The following CCT4 variants were observed in gnomAD, a reference collection of about 807,000 sequenced individuals.
CCT4 encodes the protein T-complex protein 1 subunit delta.
CCT4 carries 17 observed loss-of-function variants against 62.5 expected under a neutral mutation model. The ratio of observed to expected loss-of-function variants is 0.27; its 90% CI spans 0.19 to 0.41. CCT4 has a LOEUF of 0.41. Ranked by LOEUF, CCT4 falls within the 10% of genes least tolerant of loss-of-function variation. The pLI is 1.00. For missense variants in CCT4, 592 were observed against 659.2 expected (o/e 0.90, Z 1.12); for synonymous variants, 250 against 229.9 (o/e 1.09, Z -0.79).
chr2:61,886,264 C>T (rs745894819), intron 1 of CCT4, among the ~76,000 whole-genome samples: 86 of 152,158 alleles, frequency 5.7e-4, no homozygotes, highest in Non-Finnish European at 9.3e-4. Context: ...AAAAATGAGC[C>T]GGGTGTGGCG....
In CCT4 at chr2:61,873,077, T is replaced by G; in HGVS notation, c.1050A>C (p.Gln350His). 6.2e-7 allele frequency: 1 copy of G among 1,613,028 alleles called. No homozygotes were observed. Among genetic ancestry groups the G allele is most frequent in the Non-Finnish European group, 8.5e-7 (1 of 1,178,948 alleles). Residue 350 changes from glutamine to histidine, a missense_variant, in exon 10 of 14, where the codon CAA becomes CAC. By Grantham distance (24) the Gln-to-His change is conservative (BLOSUM62 0). This residue lies in a region of CCT4 where 522 missense variants were observed against 571.2 expected (regional missense o/e 0.91). Coordinates refer to ENST00000394440, the MANE Select transcript of CCT4 (RefSeq NM_006430.4). The stretch of plus-strand genomic sequence containing the variant: ...CAGAACCCAGCATGTCAGCAGTAAA[T>G]TGGTCAATATGAGCAACTGGCTTGG... ...IGTKPVAHIDQFTADMLGSAE... is the reference protein window; with the variant it reads ...IGTKPVAHIDHFTADMLGSAE...
intron 5 of CCT4, 23 bp from the exon 6 acceptor site, chr2:61,877,537 A>C (rs746279287): frequency 3.9e-6 from 6 of 1,530,894 alleles, no homozygotes; most frequent in Non-Finnish European, 5.3e-6. Flanking sequence ...AAAAAAAAAA[A>C]AAGTTACCTT....
At chr2:61,884,914 C>T in intron 2 of CCT4, 106 bp downstream of exon 2, 1 of 967,502 alleles carries the variant, frequency 1.0e-6, no homozygotes. Context: ...GTGTGAGCCA[C>T]CACGCCCAGC....
rs573311652 is a variant in CCT4, at chr2:61,885,325, T to C, written c.128-253A>G. Among the ~76,000 whole-genome samples the C allele has an allele frequency of 6.6e-5, 10 of 152,236 alleles. 1 individual carries two copies. The South Asian group carries it at 2.1e-3, about 32-fold the overall frequency. Reference sequence around the variant, plus strand: ...AAATCACCATGTCCACAGAAGAAAATTCATTGTCTAAAAATAATCTATTGG... The same window carrying C: ...AAATCACCATGTCCACAGAAGAAAACTCATTGTCTAAAAATAATCTATTGG... On this transcript the variant is annotated intron_variant, in intron 1 of 13. Transcript: ENST00000394440.
Position 61,872,489 on chromosome 2 carries a change from G to A in CCT4, c.1225C>T (p.Leu409=). ...TTCACTAAACAACGAATAACACATAGGGCATCATGAATGGAGCGCTCAGCT... is the reference window on the plus strand; with the variant it reads ...TTCACTAAACAACGAATAACACATAAGGCATCATGAATGGAGCGCTCAGCT... ...EEAERSIHDA[L]CVIRCLVKKR... Residue 409 remains leucine, a synonymous_variant, in exon 11 of 14, where the codon CTA becomes TTA. Transcript: ENST00000394440. The A allele has an allele frequency of 6.2e-7, 1 of 1,613,700 alleles. No homozygotes were observed. The highest frequency in any genetic ancestry group is 8.5e-7 in the Non-Finnish European group (1 of 1,179,690).
chr2:61,874,878 C>T (rs58567975), intron 8 of CCT4, among the ~76,000 whole-genome samples: 60,188 of 152,038 alleles, frequency 0.4, 12,114 homozygotes, highest in Middle Eastern at 0.46. Flanking sequence ...GGCGTGGTGG[C>T]TCATGCCTGT....
chr2:61,874,905 G>A (rs12474073), intron 8 of CCT4, among the ~76,000 whole-genome samples: 1 of 151,942 alleles, frequency 6.6e-6, no homozygotes, highest in Non-Finnish European at 1.5e-5. Flanking sequence ...AGCACTTTGG[G>A]AGGCCAAGGC....
chr2:61,879,015 T>A lies in CCT4; in HGVS notation c.380-4A>T. On this transcript the variant is annotated splice_region_variant and splice_polypyrimidine_tract_variant and intron_variant, in intron 4 of 13. Coordinates refer to ENST00000394440, the MANE Select transcript of CCT4 (RefSeq NM_006430.4). ...GAAATGATGGTTGGATGAATCCCTG[T>A]AATTTGTGAAAGTCTAGTTATTTAA... 1 of 1,589,080 alleles carries A rather than the reference T, an allele frequency of 6.3e-7. No individual in the cohort carries two copies. The highest frequency in any genetic ancestry group is 8.5e-7 in the Non-Finnish European group (1 of 1,170,582).
At chr2:61,873,716 C>T (rs1668934834) in intron 8 of CCT4, among the ~76,000 whole-genome samples, 1 of 152,166 alleles carries the variant, frequency 6.6e-6, no homozygotes, top group African/African-American at 2.4e-5. Context: ...CACGCTCCCG[C>T]CACCACACCT....
intron 5 of CCT4, among the ~76,000 whole-genome samples, chr2:61,878,070 T>C (rs1052893341): frequency 6.6e-6 from 1 of 152,214 alleles, no homozygotes; most frequent in Non-Finnish European, 1.5e-5. Flanking sequence ...ACTCAATGCC[T>C]AGTGCTTGTA....
chr2:61,878,800 T>A, intron 5 of CCT4, 69 bp downstream of exon 5: 1 of 1,055,342 alleles, frequency 9.5e-7, no homozygotes, highest in Non-Finnish European at 1.4e-6. Context: ...ATGTACCGTA[T>A]AGCATCAAGA....
chr2:61,868,432 G>C lies in CCT4; in HGVS notation c.*260C>G. ...CTCAACATGTAAACTCACTTTTTACGCTTCTTTTATTAGTTTTTATTAGTT... is the reference window on the plus strand; with the variant it reads ...CTCAACATGTAAACTCACTTTTTACCCTTCTTTTATTAGTTTTTATTAGTT... On this transcript the variant is annotated 3_prime_UTR_variant, in exon 14 of 14. Transcript: ENST00000394440. The C allele has an allele frequency of 2.3e-6, 1 of 426,134 alleles. No homozygotes were observed. Among genetic ancestry groups the C allele is most frequent in the Non-Finnish European group, 4.2e-6 (1 of 236,892 alleles). 26.4% of individuals were successfully genotyped at this position (426,134 alleles called of 1,614,324 possible). A position where few individuals can be genotyped will look rare whatever the true frequency, so the allele number is the denominator to read the frequency against.
rs760975214 is a variant in CCT4 at position 61,872,126 on chromosome 2, G to A, written c.1447C>T (p.Arg483Trp). ...PISTVTELRN[R>W]HAQGEKTAGI... ...GCAGTTTTTTCTCCCTGGGCATGCC[G>A]GTTTCTTAGTTCTGTTACTGTAGAA... Residue 483 changes from arginine (R) to tryptophan (W), a missense_variant, in exon 12 of 14, where the codon CGG (arginine) becomes TGG (tryptophan). Around this residue, in one of 3 missense-constraint regions of CCT4, gnomAD observed 522 missense variants for 571.2 expected, o/e 0.91. Transcript: ENST00000394440. The A allele has an allele frequency of 9.9e-6, 16 of 1,613,650 alleles. No homozygotes were observed. Among genetic ancestry groups the A allele is most frequent in the African/African-American group, 2.7e-5 (2 of 74,870 alleles).
At chr2:61,873,319 TCAATGCTAG>T in intron 8 of CCT4, 26 bp from the exon 9 acceptor site, 2 of 1,301,446 alleles carry the variant, frequency 1.5e-6, no homozygotes, top group Non-Finnish European at 2.2e-6. Flanking sequence ...AGTGATTATG[TCAATGCTAG>T]ATTAAAAAAA....
At chr2:61,869,017 C>T (rs749914998) in intron 13 of CCT4, among the ~76,000 whole-genome samples, 1 of 151,938 alleles carries the variant, frequency 6.6e-6, no homozygotes, top group African/African-American at 2.4e-5. Flanking sequence ...TGCCTGTAAT[C>T]CCAGCTACTT....
At chr2:61,874,623 AAG>A (rs1177875427) in intron 8 of CCT4, among the ~76,000 whole-genome samples, 2 of 152,128 alleles carry the variant, frequency 1.3e-5, no homozygotes, top group Admixed American at 6.6e-5. Flanking sequence ...AAAAAAAAAA[AAG>A]AAGGAAAAAA....
At chr2:61,869,375 A>C (rs745892142) in intron 13 of CCT4, 65 bp downstream of exon 13, 22 of 916,450 alleles carry the variant, frequency 2.4e-5, no homozygotes, top group Middle Eastern at 2.3e-4. Flanking sequence ...ACAACAACAA[A>C]AAACCTTTAA....
chr2:61,885,115 T>A, intron 1 of CCT4, 43 bp from the exon 2 acceptor site: 2 of 1,493,084 alleles, frequency 1.3e-6, no homozygotes, highest in Non-Finnish European at 1.8e-6. Flanking sequence ...TTAGAACTTT[T>A]TTTTTTTTAA....
chr2:61,869,502 A>T lies in CCT4; in HGVS notation c.1543T>A (p.Ser515Thr). ...EELVVQPLLV[S>T]VSALTLATET... ...GTTGCAAGAGTCAGAGCACTGACTG[A>T]TACCAACAGAGGCTGGACAACCAGT... The change falls in exon 13 of 14, where the codon TCA (serine) becomes ACA (threonine). Residue 515 changes from serine to threonine, a missense_variant. Physicochemically the swap from Ser to Thr is moderately conservative, Grantham distance 58 (BLOSUM62 1). Around this residue, in one of 3 missense-constraint regions of CCT4, gnomAD observed 522 missense variants for 571.2 expected, o/e 0.91. Coordinates refer to ENST00000394440, the MANE Select transcript of CCT4 (RefSeq NM_006430.4). 6.2e-7 allele frequency: 1 copy of T among 1,612,638 alleles called. No individual in the cohort carries two copies. The highest frequency in any genetic ancestry group is 8.5e-7 in the Non-Finnish European group (1 of 1,178,584).
Sources: allele counts gnomAD v4.1 joint callset (sites outside exome capture counted in the v4.1 genomes callset), GRCh38; gene constraint gnomAD v4.1.1; regional missense constraint gnomAD v4.1.1; transcripts MANE v1.5; gene names NCBI Gene and HGNC (gene_info 2026-07-23, HGNC 2026-07-21).